The following ESYT3 variants were observed in gnomAD, a reference collection of about 807,000 sequenced individuals.
ESYT3 encodes extended synaptotagmin-3.
Under a neutral mutation model 111.5 loss-of-function variants are expected in ESYT3, and 101 were observed. The observed-to-expected ratio is 0.91, with a 90% CI of 0.77 to 1.07. The LOEUF (loss-of-function observed/expected upper bound fraction) is 1.07. Among genes scored for constraint, ESYT3 ranks in the 50% least tolerant of loss-of-function variants. The probability of loss-of-function intolerance (pLI) is 0.00; values close to 1 mark genes in which losing one functional copy is unlikely to be tolerated. For synonymous variants in ESYT3, 416 were observed against 446.8 expected (o/e 0.93, Z 0.87); for missense variants, 1,097 against 1,109.4 (o/e 0.99, Z 0.16).
In ESYT3 at chr3:138,468,330, C is replaced by T. The variant is rs139959298; in HGVS notation, c.1308+136C>T. The T allele has an allele frequency of 5.4e-4, 429 of 794,604 alleles. No homozygotes were observed. The African/African-American group carries it at 6.6e-3, about 12-fold the overall frequency. 49.2% of individuals were successfully genotyped at this position (794,604 alleles called of 1,614,324 possible). ...CTGAAGAACATGTCACTCAGCCCGT[C>T]TCCACACAGGGCAGCTCCTGATAGC... On this transcript the variant is annotated intron_variant, in intron 12 of 22. Transcript: ENST00000389567.
At chr3:138,466,989 C>A (rs911305179) in intron 10 of ESYT3, among the ~76,000 whole-genome samples, 1 of 152,148 alleles carries the variant, frequency 6.6e-6, no homozygotes, top group Admixed American at 6.5e-5. Context: ...GACCCAAACA[C>A]CTCTCACTAG....
intron 2 of ESYT3, among the ~76,000 whole-genome samples, chr3:138,454,422 G>A (rs576320973): frequency 4.3e-4 from 65 of 152,200 alleles, no homozygotes; most frequent in African/African-American, 1.5e-3. Flanking sequence ...ACTGGGTGTG[G>A]TGGCAGGTAC....
intron 14 of ESYT3, chr3:138,469,168 C>T: frequency 1.7e-6 from 1 of 593,820 alleles, no homozygotes. Flanking sequence ...GTTTTCATAG[C>T]CCCAGGGAAC....
At chr3:138,469,548 C>A in intron 15 of ESYT3, 44 bp downstream of exon 15, 1 of 1,554,550 alleles carries the variant, frequency 6.4e-7, no homozygotes, top group Non-Finnish European at 8.9e-7. Context: ...GAAACAAGGA[C>A]CCAGCCCTTC....
chr3:138,454,027 A>G (rs948373635), intron 2 of ESYT3, among the ~76,000 whole-genome samples: 17 of 152,200 alleles, frequency 1.1e-4, no homozygotes, highest in African/African-American at 4.1e-4. Flanking sequence ...CACGTCTGGT[A>G]ATGTGAAAAT....
rs1253822198 is a variant in ESYT3 at position 138,478,564 on chromosome 3, GAAAACCTACCCCTCTTCTTCCA to G, written c.*1713_*1734del. 6.6e-6 allele frequency: 1 copy of G among 152,174 alleles called. No homozygotes were observed. Among genetic ancestry groups the G allele is most frequent in the Non-Finnish European group, 1.5e-5 (1 of 68,028 alleles). 9.4% of individuals were successfully genotyped at this position (152,174 alleles called of 1,614,324 possible). On this transcript the variant is annotated 3_prime_UTR_variant, in exon 23 of 23. Transcript: ENST00000389567. ...CAGCTAATCAAAATGGCAGATAAGT[GAAAACCTACCCCTCTTCTTCCA>G]AACTTAAACCACAAACATTTATTTT...
chr3:138,477,157 AGTGCCACTTTTTAGTAG>A lies in ESYT3; in HGVS notation c.*306_*322del, dbSNP rs2033523633. The A allele has an allele frequency of 3.9e-6, 1 of 256,370 alleles. No homozygotes were observed. The highest frequency in any genetic ancestry group is 7.4e-6 in the Non-Finnish European group (1 of 134,346). 15.9% of individuals were successfully genotyped at this position (256,370 alleles called of 1,614,324 possible). A position where few individuals can be genotyped will look rare whatever the true frequency, so the allele number is the denominator to read the frequency against. The stretch of plus-strand genomic sequence containing the variant: ...ACCTCAGTGTTTATATACTTAAACA[AGTGCCACTTTTTAGTAG>A]GTAATTATATACCATCTGATTTAGG... On this transcript the variant is annotated 3_prime_UTR_variant, in exon 23 of 23. Coordinates refer to ENST00000389567, the MANE Select transcript of ESYT3 (RefSeq NM_031913.5).
intron 3 of ESYT3, among the ~76,000 whole-genome samples, chr3:138,456,818 G>A (rs1347170485): frequency 6.6e-6 from 1 of 152,174 alleles, no homozygotes; most frequent in Admixed American, 6.5e-5. Flanking sequence ...AAAGATTGGG[G>A]ACCGTTGGTC....
At chr3:138,458,620 G>A (rs57753477) in intron 4 of ESYT3, among the ~76,000 whole-genome samples, 1,580 of 152,332 alleles carry the variant, frequency 0.01, 27 homozygotes, top group African/African-American at 0.037. Context: ...TTACCCTCAA[G>A]GGCACCCATT....
At position 138,435,016 on chromosome 3, in the gene ESYT3, G is replaced by A; in HGVS notation, c.218G>A (p.Arg73His). 1 of 1,574,700 alleles carries A rather than the reference G, an allele frequency of 6.4e-7. No homozygotes were observed. Among genetic ancestry groups the A allele is most frequent in the Admixed American group, 1.9e-5 (1 of 53,028 alleles). ...LLGALLWMWW[R>H]RNRRGKLGRL... ...GGCGCCCTGCTGTGGATGTGGTGGCGCAGGAACCGCCGCGGGAAGCTTGGG... is the reference window on the plus strand; with the variant it reads ...GGCGCCCTGCTGTGGATGTGGTGGCACAGGAACCGCCGCGGGAAGCTTGGG... The change falls in exon 1 of 23, where the codon CGC becomes CAC. Residue 73 changes from arginine to histidine, a missense_variant. Physicochemically the swap from Arg to His is conservative, Grantham distance 29. Transcript: ENST00000389567. This position sits in a 1 kb window ranked among gnomAD's most constrained non-coding sequence, Gnocchi z 4.8.
chr3:138,439,008 G>A (rs549664308), intron 1 of ESYT3, among the ~76,000 whole-genome samples: 1 of 152,210 alleles, frequency 6.6e-6, no homozygotes, highest in South Asian at 2.1e-4. Context: ...ATTAAGAGCC[G>A]CCTCAGCTGT....
chr3:138,469,007 G>A (rs2033081977), intron 14 of ESYT3, 126 bp downstream of exon 14: 2 of 1,021,856 alleles, frequency 2.0e-6, no homozygotes, highest in Non-Finnish European at 3.1e-6. Context: ...AACAAGAGGT[G>A]CTGATTGTGG....
chr3:138,442,130 T>C (rs1034683306), intron 1 of ESYT3, among the ~76,000 whole-genome samples: 1 of 151,074 alleles, frequency 6.6e-6, no homozygotes, highest in Non-Finnish European at 1.5e-5. Context: ...TTTTTTTTTT[T>C]CTGGTCATGA....
At chr3:138,457,489 C>G in intron 3 of ESYT3, 79 bp from the exon 4 acceptor site, 1 of 1,279,416 alleles carries the variant, frequency 7.8e-7, no homozygotes, top group Non-Finnish European at 1.1e-6. Context: ...GCTGACAAAG[C>G]CCAGTGCCGG....
chr3:138,469,454 C>A lies in ESYT3; in HGVS notation c.1453C>A (p.Pro485Thr). The A allele has an allele frequency of 6.2e-7, 1 of 1,613,976 alleles. No individual in the cohort carries two copies. Among genetic ancestry groups the A allele is most frequent in the Non-Finnish European group, 8.5e-7 (1 of 1,179,936 alleles). ...RFARNKVSKD[P>T]SSYVKLSVGK... ...CTCACAGAACAAGGTCAGCAAAGACCCTTCTTCCTATGTCAAACTATCTGT... is the reference window on the plus strand; with the variant it reads ...CTCACAGAACAAGGTCAGCAAAGACACTTCTTCCTATGTCAAACTATCTGT... Residue 485 changes from proline to threonine, a missense_variant, in exon 15 of 23, where the codon CCT (proline) becomes ACT (threonine). By Grantham distance (38) the Pro-to-Thr change is conservative (BLOSUM62 -1). Transcript: ENST00000389567.
chr3:138,452,140 C>T, intron 2 of ESYT3, 51 bp downstream of exon 2: 1 of 1,574,710 alleles, frequency 6.4e-7, no homozygotes, highest in Non-Finnish European at 8.6e-7. Context: ...CAGCCTCGTC[C>T]TCCCCGCGGC....
At chr3:138,472,934 T>A (rs910392782) in intron 18 of ESYT3, 75 bp downstream of exon 18, 2 of 1,532,814 alleles carry the variant, frequency 1.3e-6, no homozygotes, top group African/African-American at 2.8e-5. Context: ...AAAGTAGATA[T>A]GAACTTACAT....
downstream of ESYT3, chr3:138,479,961 A>G (rs2033651271): frequency 6.6e-6 from 1 of 152,220 alleles, no homozygotes; most frequent in Non-Finnish European, 1.5e-5. Context: ...TACCTGTGCA[A>G]TGTGGTTTCT....
chr3:138,443,600 C>T (rs981105874), intron 1 of ESYT3, among the ~76,000 whole-genome samples: 1 of 152,110 alleles, frequency 6.6e-6, no homozygotes, highest in Non-Finnish European at 1.5e-5. Flanking sequence ...GTAAGAATGT[C>T]CTTTGGAGTA....
Sources: allele counts gnomAD v4.1 joint callset (sites outside exome capture counted in the v4.1 genomes callset), GRCh38; gene constraint gnomAD v4.1.1; non-coding constraint Gnocchi (gnomAD v3.1); transcripts MANE v1.5; gene names NCBI Gene and HGNC (gene_info 2026-07-23, HGNC 2026-07-21).